LIMS1: variants seen among roughly 807,000 people sequenced by gnomAD.
The protein encoded by LIMS1 is LIM zinc finger domain containing 1.
A neutral mutation model predicts 44.1 loss-of-function variants in LIMS1; 18 were observed. That is an observed-to-expected ratio of 0.41 (90% CI 0.28 to 0.61). The LOEUF (loss-of-function observed/expected upper bound fraction) is 0.61. Ranked by LOEUF, LIMS1 falls within the 20% of genes least tolerant of loss-of-function variation. The pLI is 0.32. For synonymous variants in LIMS1, 93 were observed against 149.1 expected, an observed-to-expected ratio of 0.62 and a Z score of 2.74; for missense variants, 201 against 422.0, an observed-to-expected ratio of 0.48 and a Z score of 4.59.
intron 1 of LIMS1, among the ~76,000 whole-genome samples, chr2:108,563,463 G>A (rs772829328): frequency 5.9e-5 from 9 of 152,170 alleles, no homozygotes; most frequent in Non-Finnish European, 1.2e-4. Context: ...AGCCTTCATG[G>A]ATGACTTTCG....
chr2:108,577,668 AT>A (rs1347923817), intron 1 of LIMS1, among the ~76,000 whole-genome samples: 1 of 152,228 alleles, frequency 6.6e-6, no homozygotes, highest in African/African-American at 2.4e-5. Flanking sequence ...TGTATTTTAC[AT>A]TCTTAACAAA....
chr2:108,570,683 C>T (rs1349068834), intron 1 of LIMS1, among the ~76,000 whole-genome samples: 2 of 152,100 alleles, frequency 1.3e-5, no homozygotes, highest in East Asian at 1.9e-4. Context: ...TCAGAGGGAA[C>T]GTGGCCATCC....
chr2:108,661,908 A>G (rs1025567631), intron 2 of LIMS1, among the ~76,000 whole-genome samples: 1 of 152,106 alleles, frequency 6.6e-6, no homozygotes, highest in Non-Finnish European at 1.5e-5. Context: ...TGTAGTCCAG[A>G]GAGGTTGAAA....
intron 1 of LIMS1, among the ~76,000 whole-genome samples, chr2:108,587,042 G>T (rs763193665): frequency 3.3e-5 from 5 of 152,200 alleles, no homozygotes; most frequent in Non-Finnish European, 5.9e-5. Flanking sequence ...GGATTTCAGA[G>T]TACGTGAAGG....
chr2:108,552,225 C>T (rs1429746353), intron 1 of LIMS1, among the ~76,000 whole-genome samples: 2 of 141,496 alleles, frequency 1.4e-5, no homozygotes, highest in African/African-American at 2.6e-5. Flanking sequence ...ATACATAATA[C>T]ATTAGTTATA....
At chr2:108,587,593 G>A (rs1439674678) in intron 1 of LIMS1, among the ~76,000 whole-genome samples, 4 of 152,054 alleles carry the variant, frequency 2.6e-5, no homozygotes, top group Non-Finnish European at 5.9e-5. Context: ...CTATAATAAA[G>A]GAATTGGGTA....
At chr2:108,580,632 G>A (rs1255360049) in intron 1 of LIMS1, among the ~76,000 whole-genome samples, 1 of 152,224 alleles carries the variant, frequency 6.6e-6, no homozygotes, top group Non-Finnish European at 1.5e-5. Context: ...AGCCTGTACA[G>A]ATATAAAGTA....
At chr2:108,635,046 A>G (rs1161643107) in intron 1 of LIMS1, among the ~76,000 whole-genome samples, 2 of 152,106 alleles carry the variant, frequency 1.3e-5, no homozygotes, top group Non-Finnish European at 2.9e-5. Flanking sequence ...TGCCATGAGG[A>G]TGGGGGTCTA....
In LIMS1 at chr2:108,546,865, G is replaced by A. The variant is rs1043192270; in HGVS notation, c.32+12271G>A. Among the ~76,000 whole-genome samples the A allele has an allele frequency of 5.3e-5, 8 of 152,222 alleles. No individual in the cohort carries two copies. In the Middle Eastern group the frequency reaches 0.014, roughly 259 times the overall value. Reference sequence around the variant, plus strand: ...AATACTGTGCATGTTTTATAATGGAGAATAAAGTTTCCTTAATGATGCTTG... The same window carrying A: ...AATACTGTGCATGTTTTATAATGGAAAATAAAGTTTCCTTAATGATGCTTG... On this transcript the variant is annotated intron_variant, in intron 1 of 9. Coordinates refer to ENST00000544547, the Ensembl canonical transcript of LIMS1.
At chr2:108,615,163 T>A (rs977674495) in intron 1 of LIMS1, among the ~76,000 whole-genome samples, 2 of 152,162 alleles carry the variant, frequency 1.3e-5, no homozygotes, top group African/African-American at 4.8e-5. Flanking sequence ...TATATATGTA[T>A]CTAGTTTTAA....
intron 1 of LIMS1, among the ~76,000 whole-genome samples, chr2:108,568,691 TTTG>T (rs1473697016): frequency 1.3e-5 from 2 of 152,206 alleles, no homozygotes; most frequent in Non-Finnish European, 2.9e-5. Flanking sequence ...TTTGTTATTC[TTTG>T]TTGTTTTGTT....
intron 1 of LIMS1, among the ~76,000 whole-genome samples, chr2:108,537,760 C>T (rs1434726571): frequency 6.6e-6 from 1 of 152,158 alleles, no homozygotes; most frequent in Non-Finnish European, 1.5e-5. Context: ...TTTGCTGTAG[C>T]CCCTTGACCT....
At chr2:108,636,779 T>C (rs1689282349) in intron 1 of LIMS1, among the ~76,000 whole-genome samples, 1 of 152,128 alleles carries the variant, frequency 6.6e-6, no homozygotes, top group African/African-American at 2.4e-5. Context: ...AACCATAGCT[T>C]CATTCCGTGA....
At chr2:108,633,897 A>G (rs1026271264) in intron 1 of LIMS1, among the ~76,000 whole-genome samples, 29 of 152,218 alleles carry the variant, frequency 1.9e-4, no homozygotes, top group African/African-American at 7.0e-4. Context: ...CTCAATTGCA[A>G]AATTTCCTGA....
At chr2:108,656,105 C>CAGT (rs1272892949) in intron 1 of LIMS1, among the ~76,000 whole-genome samples, 7 of 123,824 alleles carry the variant, frequency 5.7e-5, no homozygotes, top group Non-Finnish European at 1.0e-4. Context: ...TGTAATAATA[C>CAGT]AGTAACCAAT....
intron 8 of LIMS1, chr2:108,678,364 C>T (rs193173813): frequency 5.8e-4 from 222 of 382,572 alleles, no homozygotes; most frequent in African/African-American, 3.9e-3. Flanking sequence ...AATCTGCTAT[C>T]GTAGTTAGGA....
chr2:108,663,899 C>A (rs1691561473), intron 2 of LIMS1, among the ~76,000 whole-genome samples: 1 of 152,006 alleles, frequency 6.6e-6, no homozygotes, highest in South Asian at 2.1e-4. Context: ...GGATTACAGG[C>A]AGGCGCCACC....
At chr2:108,598,114 G>T (rs1445961891) in intron 1 of LIMS1, among the ~76,000 whole-genome samples, 6 of 151,630 alleles carry the variant, frequency 4.0e-5, no homozygotes, top group African/African-American at 1.5e-4. Flanking sequence ...ACCCACTGTG[G>T]TTGGCTGTGC....
intron 1 of LIMS1, among the ~76,000 whole-genome samples, chr2:108,605,002 G>A (rs1220831942): frequency 6.6e-6 from 1 of 152,240 alleles, no homozygotes; most frequent in Non-Finnish European, 1.5e-5. Flanking sequence ...GAATCTGGAA[G>A]GGCCAGATGA....
Sources: allele counts gnomAD v4.1 joint callset (sites outside exome capture counted in the v4.1 genomes callset), GRCh38; gene constraint gnomAD v4.1.1; transcripts MANE v1.5; gene names NCBI Gene and HGNC (gene_info 2026-07-23, HGNC 2026-07-21).